Variants in DPYD observed in about 807,000 individuals in gnomAD.
DPYD encodes the protein dihydropyrimidine dehydrogenase [NADP(+)].
Under a neutral mutation model 116.2 loss-of-function variants are expected in DPYD, and 109 were observed. The ratio of observed to expected loss-of-function variants is 0.94; its 90% CI spans 0.80 to 1.10. The LOEUF (loss-of-function observed/expected upper bound fraction) is 1.10. Ranked by LOEUF, DPYD falls within the 50% of genes least tolerant of loss-of-function variation. The pLI is 0.00. For missense variants in DPYD, 1,302 were observed against 1,254.5 expected (o/e 1.04, Z -0.57); for synonymous variants, 440 against 432.0 (o/e 1.02, Z -0.23).
chr1:97,196,493 G>GA (rs539389335), intron 19 of DPYD, among the ~76,000 whole-genome samples: 49 of 152,198 alleles, frequency 3.2e-4, no homozygotes, highest in Middle Eastern at 3.4e-3. Flanking sequence ...GAATAGGACA[G>GA]ACTGATTTCT....
intron 18 of DPYD, among the ~76,000 whole-genome samples, chr1:97,291,645 C>T (rs1270979348): frequency 6.6e-6 from 1 of 150,828 alleles, no homozygotes; most frequent in African/African-American, 2.4e-5. Flanking sequence ...AATGAGAACA[C>T]ATGGACACAG....
chr1:97,812,843 A>G (rs1174699267), intron 3 of DPYD, among the ~76,000 whole-genome samples: 4 of 152,170 alleles, frequency 2.6e-5, no homozygotes, highest in Admixed American at 1.3e-4. Context: ...CCCTTCTGCA[A>G]TAACTATGTC....
intron 1 of DPYD, among the ~76,000 whole-genome samples, chr1:97,909,958 G>A (rs1158048065): frequency 6.6e-6 from 1 of 151,644 alleles, no homozygotes; most frequent in African/African-American, 2.4e-5. Flanking sequence ...TACTTTTTTT[G>A]TTTACCAAAG....
chr1:97,823,164 GT>G (rs370947401), intron 3 of DPYD, among the ~76,000 whole-genome samples: 2 of 151,012 alleles, frequency 1.3e-5, no homozygotes, highest in Non-Finnish European at 3.0e-5. Flanking sequence ...TTTGTTTTTT[GT>G]TTTTTTTGAG....
intron 8 of DPYD, among the ~76,000 whole-genome samples, chr1:97,626,605 C>T (rs1356602888): frequency 1.3e-5 from 2 of 152,004 alleles, no homozygotes; most frequent in East Asian, 3.9e-4. Flanking sequence ...ATTTCACAAA[C>T]ATTGGTCTTC....
chr1:97,771,213 T>C (rs1571330794), intron 3 of DPYD, among the ~76,000 whole-genome samples: 1 of 151,898 alleles, frequency 6.6e-6, no homozygotes, highest in Non-Finnish European at 1.5e-5. Flanking sequence ...GTAGTGGAGG[T>C]TGCAGTGAGC....
intron 19 of DPYD, among the ~76,000 whole-genome samples, chr1:97,209,362 T>G (rs766949050): frequency 6.6e-6 from 1 of 152,176 alleles, no homozygotes; most frequent in Non-Finnish European, 1.5e-5. Context: ...ATTACCTAAT[T>G]AAATAATGCT....
chr1:97,875,734 T>C (rs1013527147), intron 2 of DPYD, among the ~76,000 whole-genome samples: 5 of 152,144 alleles, frequency 3.3e-5, no homozygotes, highest in Middle Eastern at 3.4e-3. Flanking sequence ...TGTTATTTTC[T>C]TTAATTTTCC....
chr1:97,904,135 GT>G (rs1307675795), intron 1 of DPYD, among the ~76,000 whole-genome samples: 1 of 151,820 alleles, frequency 6.6e-6, no homozygotes, highest in Non-Finnish European at 1.5e-5. Flanking sequence ...CCATTTACTA[GT>G]TTACCATCAT....
chr1:97,287,029 T>A (rs1464142342), intron 18 of DPYD, among the ~76,000 whole-genome samples: 1 of 152,152 alleles, frequency 6.6e-6, no homozygotes, highest in African/African-American at 2.4e-5. Flanking sequence ...TTCTGCTCTG[T>A]TTTTTCCTTT....
chr1:97,617,552 T>C (rs1240540854), intron 8 of DPYD, among the ~76,000 whole-genome samples: 2 of 152,084 alleles, frequency 1.3e-5, no homozygotes, highest in African/African-American at 4.8e-5. Context: ...AACACCAACA[T>C]TGAGAGTAAG....
intron 17 of DPYD, 53 bp downstream of exon 17, chr1:97,306,124 A>T (rs1667144924): frequency 1.9e-6 from 3 of 1,610,268 alleles, no homozygotes; most frequent in Non-Finnish European, 2.5e-6. Flanking sequence ...ATGGCTACAT[A>T]ATGTGGGCCA....
At chr1:97,143,044 A>C (rs1418329126) in intron 20 of DPYD, among the ~76,000 whole-genome samples, 1 of 152,090 alleles carries the variant, frequency 6.6e-6, no homozygotes, top group Non-Finnish European at 1.5e-5. Flanking sequence ...GGGTATTATC[A>C]TAGCTTTTTT....
chr1:97,766,799 G>T (rs569849530), intron 3 of DPYD, among the ~76,000 whole-genome samples: 10 of 152,302 alleles, frequency 6.6e-5, no homozygotes, highest in African/African-American at 2.4e-4. Flanking sequence ...TTTACAGTAA[G>T]TTTCATAGGT....
intron 18 of DPYD, among the ~76,000 whole-genome samples, chr1:97,238,917 A>G (rs1462493795): frequency 6.6e-6 from 1 of 152,204 alleles, no homozygotes; most frequent in Non-Finnish European, 1.5e-5. Flanking sequence ...TTCTGCTTCA[A>G]CTGTGTGGAA....
intron 18 of DPYD, among the ~76,000 whole-genome samples, chr1:97,261,742 C>A (rs1167392692): frequency 6.6e-6 from 1 of 151,842 alleles, no homozygotes; most frequent in African/African-American, 2.4e-5. Context: ...CTAATTTATT[C>A]CTCATAATAG....
rs59092602 is a variant in DPYD at position 97,813,469 on chromosome 1, T to C, written c.233+14645A>G. 2.9e-3 allele frequency among the ~76,000 whole-genome samples: 448 copies of C among 152,004 alleles called. 2 individuals carry two copies. The highest frequency in any genetic ancestry group is 0.01 in the African/African-American group (434 of 41,464). On this transcript the variant is annotated intron_variant, in intron 3 of 22. Coordinates refer to ENST00000370192, the MANE Select transcript of DPYD (RefSeq NM_000110.4). ...ATTGTAAATCATTTTTCTTTCCCCA[T>C]CTAAAAGAAAAAAAAGAATTACTCT...
intron 2 of DPYD, among the ~76,000 whole-genome samples, chr1:97,871,539 C>T (rs1056188297): frequency 6.7e-6 from 1 of 149,164 alleles, no homozygotes; most frequent in Non-Finnish European, 1.5e-5. Context: ...AAAAATTCTC[C>T]AAGACCAAGG....
intron 13 of DPYD, among the ~76,000 whole-genome samples, chr1:97,503,517 C>T (rs1679712644): frequency 6.6e-6 from 1 of 151,976 alleles, no homozygotes; most frequent in East Asian, 1.9e-4. Context: ...GACATGAAGA[C>T]TCTAGATGGC....
Sources: allele counts gnomAD v4.1 joint callset (sites outside exome capture counted in the v4.1 genomes callset), GRCh38; gene constraint gnomAD v4.1.1; transcripts MANE v1.5; gene names NCBI Gene and HGNC (gene_info 2026-07-23, HGNC 2026-07-21).